FARP1: variants seen among roughly 807,000 people sequenced by gnomAD.
The protein encoded by FARP1 is FERM, ARH/RhoGEF and pleckstrin domain protein 1.
FARP1 carries 52 observed loss-of-function variants against 128.8 expected under a neutral mutation model. The ratio of observed to expected loss-of-function variants is 0.40; its 90% confidence interval spans 0.32 to 0.51. The LOEUF (loss-of-function observed/expected upper bound fraction) is 0.51, where lower values mean the gene tolerates loss of function less well. Among genes scored for constraint, FARP1 ranks in the 20% least tolerant of loss-of-function variants. The pLI is 0.45. For missense variants in FARP1, 1,333 were observed against 1,367.9 expected, an observed-to-expected ratio of 0.97 and a Z score of 0.40; for synonymous variants, 580 against 551.8, an observed-to-expected ratio of 1.05 and a Z score of -0.72.
intron 2 of FARP1, among the ~76,000 whole-genome samples, chr13:98,279,124 C>T (rs1473297001): frequency 1.3e-5 from 2 of 152,020 alleles, no homozygotes; most frequent in African/African-American, 2.4e-5. Context: ...CGTGAGCCAA[C>T]GTGCCCGGCC....
chr13:98,348,404 A>G (rs753628637), intron 3 of FARP1, among the ~76,000 whole-genome samples: 3 of 152,268 alleles, frequency 2.0e-5, no homozygotes, highest in Non-Finnish European at 4.4e-5. Context: ...ATTGGTACAT[A>G]GAGTCTGAAG....
At chr13:98,442,353 C>G (rs1366812119) in intron 24 of FARP1, among the ~76,000 whole-genome samples, 6 of 152,198 alleles carry the variant, frequency 3.9e-5, no homozygotes, top group Non-Finnish European at 8.8e-5. Flanking sequence ...CGACCTTCCC[C>G]GTTGCTCAGA....
intron 2 of FARP1, chr13:98,330,061 C>T (rs569925799): frequency 6.6e-6 from 1 of 152,270 alleles, no homozygotes; most frequent in Admixed American, 6.5e-5. Context: ...GTGAGCAAAG[C>T]GAAGAAAGAG....
At chr13:98,330,620 T>C (rs2139824599) in intron 2 of FARP1, among the ~76,000 whole-genome samples, 1 of 152,068 alleles carries the variant, frequency 6.6e-6, no homozygotes, top group Non-Finnish European at 1.5e-5. Context: ...CTGGGCGTGG[T>C]GGCAGGCGCC....
chr13:98,305,392 A>T (rs1283619708), intron 2 of FARP1, among the ~76,000 whole-genome samples: 1 of 151,142 alleles, frequency 6.6e-6, no homozygotes, highest in African/African-American at 2.4e-5. Flanking sequence ...CAAAGACGTG[A>T]TCTCAGCTCA....
At chr13:98,181,627 T>TGAGAGAG (rs1410176235) in intron 1 of FARP1, among the ~76,000 whole-genome samples, 18 of 104,242 alleles carry the variant, frequency 1.7e-4, no homozygotes, top group African/African-American at 5.9e-4. Context: ...TTTATTTATT[T>TGAGAGAG]ATTTATTTAT....
intron 26 of FARP1, 170 bp from the exon 27 acceptor site, chr13:98,448,066 T>C: frequency 3.1e-6 from 2 of 645,780 alleles, no homozygotes; most frequent in South Asian, 1.8e-5. Context: ...GGGTCTCCAC[T>C]GTACCTCAGG....
chr13:98,373,985 T>C (rs899123623), intron 5 of FARP1, among the ~76,000 whole-genome samples: 1 of 152,196 alleles, frequency 6.6e-6, no homozygotes, highest in East Asian at 1.9e-4. Context: ...GTAGAAACAT[T>C]GCATTCCCAT....
chr13:98,322,988 A>G (rs1194781980), intron 2 of FARP1, among the ~76,000 whole-genome samples: 2 of 152,218 alleles, frequency 1.3e-5, no homozygotes, highest in Non-Finnish European at 2.9e-5. Context: ...GAATAAGCTC[A>G]TGTTTGAAAA....
chr13:98,438,297 T>C (rs539003379), intron 19 of FARP1, among the ~76,000 whole-genome samples: 2 of 152,104 alleles, frequency 1.3e-5, no homozygotes. Flanking sequence ...CCAGCCACAG[T>C]GCTCCCATGT....
At chr13:98,232,933 T>C (rs900443258) in intron 2 of FARP1, among the ~76,000 whole-genome samples, 1 of 152,230 alleles carries the variant, frequency 6.6e-6, no homozygotes, top group Non-Finnish European at 1.5e-5. Context: ...TTTCATGGTA[T>C]CTGTTGTCAT....
chr13:98,187,255 G>A (rs894308015), intron 1 of FARP1, among the ~76,000 whole-genome samples: 2 of 152,084 alleles, frequency 1.3e-5, no homozygotes, highest in South Asian at 2.1e-4. Flanking sequence ...ATGTCTTTCT[G>A]TGAGCCTCCT....
intron 1 of FARP1, among the ~76,000 whole-genome samples, chr13:98,197,355 A>C (rs1594257885): frequency 6.6e-6 from 1 of 151,956 alleles, no homozygotes; most frequent in African/African-American, 2.4e-5. Flanking sequence ...AATCCCAGCT[A>C]CTCGGGAGGC....
intron 2 of FARP1, among the ~76,000 whole-genome samples, chr13:98,268,830 C>T (rs1884259957): frequency 6.7e-6 from 1 of 149,170 alleles, no homozygotes; most frequent in Non-Finnish European, 1.5e-5. Context: ...ATACAGCTTC[C>T]CAAGTAGCTG....
intron 2 of FARP1, among the ~76,000 whole-genome samples, chr13:98,214,992 A>G (rs550430325): frequency 1.4e-4 from 22 of 152,276 alleles, no homozygotes; most frequent in African/African-American, 4.3e-4. Context: ...TTTCTAGCAC[A>G]CACATTCTAT....
At chr13:98,272,106 T>C (rs1193309786) in intron 2 of FARP1, among the ~76,000 whole-genome samples, 1 of 152,152 alleles carries the variant, frequency 6.6e-6, no homozygotes, top group Non-Finnish European at 1.5e-5. Flanking sequence ...CTTGGCTCAC[T>C]GCAACCTGTA....
At chr13:98,447,365 T>G (rs1301414723) in intron 26 of FARP1, 2 of 152,476 alleles carry the variant, frequency 1.3e-5, no homozygotes, top group African/African-American at 4.8e-5. Context: ...AAAAGGAACC[T>G]AGAGGAGAGC....
rs553174924 is a variant in FARP1 at position 98,176,220 on chromosome 13, A to C, written c.-24+32728A>C. Reference sequence around the variant, plus strand: ...TTATTTAAATGTGAGAATTATGGGAAACCTAAGCCATGGGAATTGGACACT... The same window carrying C: ...TTATTTAAATGTGAGAATTATGGGACACCTAAGCCATGGGAATTGGACACT... On this transcript the variant is annotated intron_variant, in intron 1 of 26. Transcript: ENST00000319562. The surrounding 1 kb of genome is among the most constrained non-coding windows in gnomAD (Gnocchi z 6.2). 3 of 1,608,458 alleles carry C rather than the reference A, an allele frequency of 1.9e-6. No homozygotes were observed. The highest frequency in any genetic ancestry group is 2.6e-6 in the Non-Finnish European group (3 of 1,175,564).
intron 1 of FARP1, among the ~76,000 whole-genome samples, chr13:98,149,589 A>G (rs1046540856): frequency 1.8e-4 from 27 of 152,094 alleles, no homozygotes; most frequent in African/African-American, 6.5e-4. Flanking sequence ...CACTTGAAAC[A>G]GTCTTTCCTT....
Sources: gnomAD v4.1 joint callset for allele counts (sites outside exome capture counted in the v4.1 genomes callset) on GRCh38, gnomAD v4.1.1 for gene constraint, Gnocchi (gnomAD v3.1) non-coding constraint, MANE v1.5 for transcripts, NCBI Gene and HGNC (gene_info 2026-07-23, HGNC 2026-07-21) for gene names.